PELI2: variants seen among roughly 807,000 people sequenced by gnomAD.
The protein encoded by PELI2 is E3 ubiquitin-protein ligase pellino homolog 2.
In PELI2, 23 loss-of-function variants were observed where a neutral mutation model predicts 42.3. That is an observed-to-expected ratio of 0.54 (90% CI 0.39 to 0.77). The LOEUF is 0.77. Ranked by LOEUF, PELI2 falls within the 30% of genes least tolerant of loss-of-function variation. The pLI, the probability that PELI2 is intolerant of heterozygous loss-of-function variation, is 0.00. For synonymous variants in PELI2, 245 were observed against 212.2 expected (o/e 1.15, Z -1.34); for missense variants, 463 against 553.2 (o/e 0.84, Z 1.64).
chr14:56,213,218 G>C (rs769084311), intron 2 of PELI2, among the ~76,000 whole-genome samples: 1 of 152,228 alleles, frequency 6.6e-6, no homozygotes, highest in East Asian at 1.9e-4. Context: ...GATGGAAATG[G>C]AAACTGTCAG....
chr14:56,181,834 T>G (rs1885593328), intron 2 of PELI2, among the ~76,000 whole-genome samples: 1 of 144,974 alleles, frequency 6.9e-6, no homozygotes, highest in Non-Finnish European at 1.5e-5. Context: ...TTTCTCTGAT[T>G]ATGTAATGTG....
intron 1 of PELI2, among the ~76,000 whole-genome samples, chr14:56,162,242 C>T (rs1263061097): frequency 2.6e-5 from 4 of 151,842 alleles, no homozygotes; most frequent in Non-Finnish European, 4.4e-5. Context: ...TTTAAATACC[C>T]GTTAACCATC....
At chr14:56,124,824 G>T (rs1446732182) in intron 1 of PELI2, among the ~76,000 whole-genome samples, 1 of 152,130 alleles carries the variant, frequency 6.6e-6, no homozygotes, top group African/African-American at 2.4e-5. Context: ...GCAACCTAGA[G>T]ATGAAAACGT....
At chr14:56,253,534 G>A (rs1888423115) in intron 2 of PELI2, among the ~76,000 whole-genome samples, 1 of 152,098 alleles carries the variant, frequency 6.6e-6, no homozygotes, top group African/African-American at 2.4e-5. Flanking sequence ...GCAAAAATCA[G>A]AAGCATTCCT....
rs556631415 is a variant in PELI2 at position 56,224,327 on chromosome 14, C to CT, written c.207+45864dup. 1.6e-4 allele frequency among the ~76,000 whole-genome samples: 25 copies of CT among 152,352 alleles called. No homozygotes were observed. In the East Asian group the frequency reaches 3.1e-3, roughly 19 times the overall value. ...CAGATTCTGGCATTGTTTACTCAAT[C>CT]TGTCTTGAATCTCATATCCCACCTG... On this transcript the variant is annotated intron_variant, in intron 2 of 5. Coordinates refer to ENST00000267460, the MANE Select transcript of PELI2 (RefSeq NM_021255.3).
chr14:56,172,608 T>C (rs998138216), intron 1 of PELI2, among the ~76,000 whole-genome samples: 1 of 152,118 alleles, frequency 6.6e-6, no homozygotes, highest in Admixed American at 6.5e-5. Context: ...TACTTTTGGA[T>C]CTGGGGGCAA....
chr14:56,295,418 G>C (rs1206056336), intron 5 of PELI2, among the ~76,000 whole-genome samples: 2 of 151,952 alleles, frequency 1.3e-5, no homozygotes, highest in Admixed American at 6.6e-5. Flanking sequence ...CAAACTCCCT[G>C]TTGCTCCCTT....
At chr14:56,195,612 G>A (rs1886103464) in intron 2 of PELI2, among the ~76,000 whole-genome samples, 2 of 152,056 alleles carry the variant, frequency 1.3e-5, no homozygotes, top group South Asian at 4.2e-4. Flanking sequence ...ACGAATAGTG[G>A]CACTAATGAA....
At chr14:56,250,991 G>T (rs973972171) in intron 2 of PELI2, among the ~76,000 whole-genome samples, 1 of 152,104 alleles carries the variant, frequency 6.6e-6, no homozygotes. Context: ...GCCTCAGCCT[G>T]ACCCCCTGGG....
intron 2 of PELI2, among the ~76,000 whole-genome samples, chr14:56,250,552 C>G (rs1181399179): frequency 6.6e-6 from 1 of 152,168 alleles, no homozygotes; most frequent in African/African-American, 2.4e-5. Context: ...TGGCAAACCA[C>G]TGATGTAAGT....
intron 2 of PELI2, among the ~76,000 whole-genome samples, chr14:56,212,167 G>T (rs1482861195): frequency 6.6e-6 from 1 of 152,208 alleles, no homozygotes; most frequent in Non-Finnish European, 1.5e-5. Context: ...TAGGACATTA[G>T]TATGTCTCCA....
In PELI2 at chr14:56,139,804, A is replaced by G. The variant is rs140246701; in HGVS notation, c.77+21067A>G. On this transcript the variant is annotated intron_variant, in intron 1 of 5. Transcript: ENST00000267460. Reference sequence around the variant, plus strand: ...AGTCCTCACAGTAATCATGTCACACACCACTCCCAATTCGGCAGTCTTTAT... The same window carrying G: ...AGTCCTCACAGTAATCATGTCACACGCCACTCCCAATTCGGCAGTCTTTAT... 3.5e-3 allele frequency among the ~76,000 whole-genome samples: 526 copies of G among 151,994 alleles called. 4 individuals are homozygous for G. Among genetic ancestry groups the G allele is most frequent in the African/African-American group, 0.011 (455 of 41,460 alleles).
At chr14:56,237,964 A>C (rs1169867860) in intron 2 of PELI2, among the ~76,000 whole-genome samples, 1 of 151,984 alleles carries the variant, frequency 6.6e-6, no homozygotes, top group Non-Finnish European at 1.5e-5. Flanking sequence ...CGAATTATGG[A>C]CAGTATGTCT....
chr14:56,271,222 G>A (rs1889093469), intron 2 of PELI2, among the ~76,000 whole-genome samples: 2 of 152,136 alleles, frequency 1.3e-5, no homozygotes, highest in Non-Finnish European at 2.9e-5. Flanking sequence ...GCTGCCGCAC[G>A]CTCGCTGTAA....
At chr14:56,154,716 C>A (rs890506465) in intron 1 of PELI2, among the ~76,000 whole-genome samples, 4 of 151,594 alleles carry the variant, frequency 2.6e-5, no homozygotes, top group Non-Finnish European at 5.9e-5. Flanking sequence ...TAATTAACAT[C>A]TTTGTACATA....
intron 1 of PELI2, among the ~76,000 whole-genome samples, chr14:56,151,304 T>TATC (rs202080721): frequency 0.02 from 3,097 of 152,344 alleles, 50 homozygotes; most frequent in Middle Eastern, 0.041. Flanking sequence ...GTTGTGCAGT[T>TATC]ATCACCTCTG....
chr14:56,206,523 A>ATTT (rs1886524773), intron 2 of PELI2, among the ~76,000 whole-genome samples: 1 of 151,646 alleles, frequency 6.6e-6, no homozygotes, highest in Non-Finnish European at 1.5e-5. Flanking sequence ...GACTCTTAAA[A>ATTT]ATGTGTTATT....
chr14:56,185,090 T>C (rs1885723314), intron 2 of PELI2, among the ~76,000 whole-genome samples: 1 of 152,130 alleles, frequency 6.6e-6, no homozygotes, highest in Admixed American at 6.5e-5. Context: ...TTAAATAATA[T>C]CACTCCTGAC....
intron 5 of PELI2, among the ~76,000 whole-genome samples, chr14:56,295,605 CG>C (rs1393953917): frequency 6.6e-6 from 1 of 152,226 alleles, no homozygotes; most frequent in African/African-American, 2.4e-5. Context: ...GTGTTGACTG[CG>C]TACCAGACAG....
Sources: allele counts gnomAD v4.1 joint callset (sites outside exome capture counted in the v4.1 genomes callset), GRCh38; gene constraint gnomAD v4.1.1; transcripts MANE v1.5; gene names NCBI Gene and HGNC (gene_info 2026-07-23, HGNC 2026-07-21).